PPARGC1B: variants seen among roughly 807,000 people sequenced by gnomAD.
PPARGC1B encodes the protein PPARG coactivator 1 beta.
A neutral mutation model predicts 101.6 loss-of-function variants in PPARGC1B; 34 were observed. That is an observed-to-expected ratio of 0.33 (90% CI 0.25 to 0.45). The LOEUF (loss-of-function observed/expected upper bound fraction) is 0.45, where lower values mean the gene tolerates loss of function less well. Among genes scored for constraint, PPARGC1B ranks in the 20% least tolerant of loss-of-function variants. PPARGC1B has a pLI of 1.00. For missense variants in PPARGC1B, 1,234 were observed against 1,317.6 expected (o/e 0.94, Z 0.98); for synonymous variants, 548 against 539.3 (o/e 1.02, Z -0.22).
At chr5:149,780,509 T>G (rs1756559504) in intron 1 of PPARGC1B, among the ~76,000 whole-genome samples, 1 of 152,158 alleles carries the variant, frequency 6.6e-6, no homozygotes. Context: ...GAACTAAAGG[T>G]CTCTAAGGCC....
Position 149,836,622 on chromosome 5 carries a change from C to T in PPARGC1B, c.2167C>T (p.Pro723Ser), listed in dbSNP as rs151319635. 8 of 1,613,700 alleles carry T rather than the reference C, an allele frequency of 5.0e-6. No individual in the cohort carries two copies. The African/African-American group carries it at 8.0e-5, about 16-fold the overall frequency. The change falls in exon 8 of 12, where the codon CCC becomes TCC. Residue 723 changes from proline to serine, a missense_variant. Pro to Ser is a moderately conservative substitution (Grantham distance 74, BLOSUM62 -1). Coordinates refer to ENST00000309241, the MANE Select transcript of PPARGC1B (RefSeq NM_133263.4). ...GTCTGGGGTTCACCTTGAGGACTGG[C>T]CCCAGCAGGGTGCCCCTTGGGCTGA... ...EPSGVHLEDW[P>S]QQGAPWAEAQ...
rs143854370 is a variant in PPARGC1B, at chr5:149,804,709, G to A, written c.79-15724G>A. Among the ~76,000 whole-genome samples the A allele has an allele frequency of 3.8e-3, 573 of 152,244 alleles. 8 individuals are homozygous for A. The highest frequency in any genetic ancestry group is 2.5e-3 in the Non-Finnish European group (167 of 67,998). On this transcript the variant is annotated intron_variant, in intron 1 of 11. Transcript: ENST00000309241. Reference sequence around the variant, plus strand: ...AAAAACCCACAGTGATGTAATCCCCGTGAGTGGAAGGATTGGAGTGTTGGG... The same window carrying A: ...AAAAACCCACAGTGATGTAATCCCCATGAGTGGAAGGATTGGAGTGTTGGG...
chr5:149,788,385 C>T (rs974929147), intron 1 of PPARGC1B, among the ~76,000 whole-genome samples: 1 of 152,204 alleles, frequency 6.6e-6, no homozygotes, highest in African/African-American at 2.4e-5. Flanking sequence ...GATACTGTCT[C>T]ACACCAGTTA....
chr5:149,845,541 G>A, intron 10 of PPARGC1B: 1 of 553,746 alleles, frequency 1.8e-6, no homozygotes, highest in Non-Finnish European at 3.2e-6. Context: ...GAGGCAAGAT[G>A]TGATGGCCAA....
In PPARGC1B at chr5:149,730,492, A is replaced by G. The variant is rs2113039634; in HGVS notation, c.78+72A>G. On this transcript the variant is annotated intron_variant, in intron 1 of 11. Coordinates refer to ENST00000309241, the MANE Select transcript of PPARGC1B (RefSeq NM_133263.4). The surrounding 1 kb of genome is among the most constrained non-coding windows in gnomAD (Gnocchi z 4.0). ...GCGGGGGCCGCAGCTGCAGCCGCGG[A>G]GGCCGGGAGGCAGCGGTGGGAGCCC... The G allele has an allele frequency of 1.6e-6, 2 of 1,268,498 alleles. No homozygotes were observed. The highest frequency in any genetic ancestry group is 3.0e-5 in the South Asian group (2 of 66,336). 78.6% of individuals were successfully genotyped at this position (1,268,498 alleles called of 1,614,324 possible). A position where few individuals can be genotyped will look rare whatever the true frequency, so the allele number is the denominator to read the frequency against.
chr5:149,820,726 A>C, intron 2 of PPARGC1B, 120 bp downstream of exon 2: 2 of 1,034,146 alleles, frequency 1.9e-6, no homozygotes, highest in Non-Finnish European at 2.8e-6. Context: ...CCCCTCACCC[A>C]CCAAAGCTGT....
At chr5:149,772,796 A>C (rs1756184883) in intron 1 of PPARGC1B, among the ~76,000 whole-genome samples, 1 of 152,168 alleles carries the variant, frequency 6.6e-6, no homozygotes, top group African/African-American at 2.4e-5. Context: ...AATGCAACTC[A>C]GCCTCTAACA....
chr5:149,820,722 A>C, intron 2 of PPARGC1B, 116 bp downstream of exon 2: 5 of 1,064,970 alleles, frequency 4.7e-6, no homozygotes, highest in Non-Finnish European at 5.3e-6. Flanking sequence ...AAATCCCCTC[A>C]CCCACCAAAG....
At position 149,836,607 on chromosome 5, in the gene PPARGC1B, C is replaced by T. The variant is rs1184134900; in HGVS notation, c.2152C>T (p.His718Tyr). The T allele has an allele frequency of 1.9e-6, 3 of 1,613,844 alleles. No homozygotes were observed. The highest frequency in any genetic ancestry group is 2.2e-5 in the East Asian group (1 of 44,868). ...GAGGTCCTGGGAGCCGTCTGGGGTT[C>T]ACCTTGAGGACTGGCCCCAGCAGGG... is the stretch of plus-strand genomic sequence containing the variant. ...VLRSWEPSGV[H>Y]LEDWPQQGAP... Residue 718 changes from histidine to tyrosine, a missense_variant, in exon 8 of 12, where the codon CAC becomes TAC. His to Tyr is a moderately conservative substitution (Grantham distance 83). This residue lies in a region of PPARGC1B where 497 missense variants were observed against 529.5 expected (regional missense o/e 0.94). Coordinates refer to ENST00000309241, the MANE Select transcript of PPARGC1B (RefSeq NM_133263.4).
At chr5:149,792,738 TATTCATTC>T (rs373254833) in intron 1 of PPARGC1B, among the ~76,000 whole-genome samples, 31 of 152,104 alleles carry the variant, frequency 2.0e-4, no homozygotes, top group Admixed American at 9.8e-4. Flanking sequence ...TCCGTAGTTG[TATTCATTC>T]ATTCATTCAT....
At chr5:149,739,992 G>A (rs1754856415) in intron 1 of PPARGC1B, 1 of 152,244 alleles carries the variant, frequency 6.6e-6, no homozygotes, top group Non-Finnish European at 1.5e-5. Flanking sequence ...TCTTTCCTCA[G>A]GATAGAGACC....
At chr5:149,795,855 A>G (rs1385197881) in intron 1 of PPARGC1B, among the ~76,000 whole-genome samples, 1 of 151,952 alleles carries the variant, frequency 6.6e-6, no homozygotes. Context: ...TTGGAGTCAG[A>G]CTTCCCTTAA....
chr5:149,804,311 G>T (rs530885569), intron 1 of PPARGC1B, among the ~76,000 whole-genome samples: 1 of 152,232 alleles, frequency 6.6e-6, no homozygotes, highest in Non-Finnish European at 1.5e-5. Flanking sequence ...AAAGGACAAG[G>T]CCAGGTGCTT....
intron 1 of PPARGC1B, among the ~76,000 whole-genome samples, chr5:149,781,784 G>A (rs552403737): frequency 5.9e-5 from 9 of 152,064 alleles, no homozygotes; most frequent in Admixed American, 2.6e-4. Context: ...GGCAGACATC[G>A]CTAATCAATC....
chr5:149,833,612 CA>C lies in PPARGC1B; in HGVS notation c.1541del (p.Lys514ArgfsTer5). 1 of 1,608,634 alleles carries C rather than the reference CA, an allele frequency of 6.2e-7. No individual in the cohort carries two copies. The highest frequency in any genetic ancestry group is 8.5e-7 in the Non-Finnish European group (1 of 1,177,840). On this transcript the variant is annotated frameshift_variant, in exon 5 of 12. Coordinates refer to ENST00000309241, the MANE Select transcript of PPARGC1B (RefSeq NM_133263.4). LOFTEE classifies it high-confidence loss of function. The surrounding 1 kb of genome is among the most constrained non-coding windows in gnomAD (Gnocchi z 4.1). ...CTCTGCCCTCACTGTGCCTGGCTCC[CA>C]AGGCCTACGACGTAGAGCGGGAGCT... ...GALPSLCLAP[K>X]AYDVERELGS...
intron 1 of PPARGC1B, among the ~76,000 whole-genome samples, chr5:149,802,171 C>G (rs1757451456): frequency 6.6e-6 from 1 of 152,160 alleles, no homozygotes; most frequent in African/African-American, 2.4e-5. Flanking sequence ...CTCCAGTGAC[C>G]CTCAGTGTAG....
At chr5:149,764,379 C>T (rs185495513) in intron 1 of PPARGC1B, among the ~76,000 whole-genome samples, 101 of 152,312 alleles carry the variant, frequency 6.6e-4, no homozygotes, top group Middle Eastern at 3.4e-3. Context: ...TGGGCCCAAA[C>T]ATGAGGCTGA....
intron 1 of PPARGC1B, among the ~76,000 whole-genome samples, chr5:149,779,580 G>A (rs1273649186): frequency 6.6e-6 from 1 of 152,202 alleles, no homozygotes; most frequent in East Asian, 1.9e-4. Flanking sequence ...AGACAAATCA[G>A]ATAAAAAGCA....
At chr5:149,789,509 TAC>T (rs1561541532) in intron 1 of PPARGC1B, among the ~76,000 whole-genome samples, 1 of 152,252 alleles carries the variant, frequency 6.6e-6, no homozygotes, top group African/African-American at 2.4e-5. Flanking sequence ...TTGTCATACT[TAC>T]AATAGCAGAA....
Sources: gnomAD v4.1 joint callset for allele counts (sites outside exome capture counted in the v4.1 genomes callset) on GRCh38, gnomAD v4.1.1 for gene constraint, gnomAD v4.1.1 regional missense constraint, Gnocchi (gnomAD v3.1) non-coding constraint, MANE v1.5 for transcripts, NCBI Gene and HGNC (gene_info 2026-07-23, HGNC 2026-07-21) for gene names.